Variants in ALDOC observed in about 807,000 individuals in gnomAD.
ALDOC encodes the protein fructose-bisphosphate aldolase C.
In ALDOC, 23 loss-of-function variants were observed where a neutral mutation model predicts 39.5. That is an observed-to-expected ratio of 0.58 (90% CI 0.42 to 0.82). The LOEUF (loss-of-function observed/expected upper bound fraction) is 0.82, where lower values mean the gene tolerates loss of function less well. ALDOC is among the 40% of genes least tolerant of loss of function. The probability of loss-of-function intolerance (pLI) is 0.00; values close to 1 mark genes in which losing one functional copy is unlikely to be tolerated. For missense variants in ALDOC, 356 were observed against 479.1 expected (o/e 0.74, Z 2.40); for synonymous variants, 160 against 182.6 (o/e 0.88, Z 1.00).
In ALDOC at chr17:28,575,470, C is replaced by A; in HGVS notation, c.63G>T (p.Leu21=). 1 of 1,614,244 alleles carries A rather than the reference C, an allele frequency of 6.2e-7. No homozygotes were observed. Among genetic ancestry groups the A allele is most frequent in the South Asian group, 1.1e-5 (1 of 91,084 alleles). The change falls in exon 2 of 9, where the codon CTG becomes CTT. Residue 21 remains leucine, a synonymous_variant. Transcript: ENST00000226253. This position sits in a 1 kb window ranked among gnomAD's most constrained non-coding sequence, Gnocchi z 4.3. ...EQKKELSDIA[L]RIVAPGKGIL... ...TGCCTTTGCCCGGGGCTACAATCCG[C>A]AGGGCAATGTCAGACAACTCCTTCT...
rs963510487 is a variant in ALDOC at position 28,573,998 on chromosome 17, C to G, written c.800-64G>C. ...CCAATTTTTCCAGGATAGGGAACCC[C>G]TGAAGGCCACAAGAAGGACCTGAAG... is the stretch of plus-strand genomic sequence containing the variant. On this transcript the variant is annotated intron_variant, in intron 7 of 8. Coordinates refer to ENST00000226253, the MANE Select transcript of ALDOC (RefSeq NM_005165.3). This position sits in a 1 kb window ranked among gnomAD's most constrained non-coding sequence, Gnocchi z 4.3. The G allele has an allele frequency of 1.7e-5, 28 of 1,608,564 alleles. No individual in the cohort carries two copies. Among genetic ancestry groups the G allele is most frequent in the Admixed American group, 6.7e-5 (4 of 59,684 alleles).
In ALDOC at chr17:28,573,539, T is replaced by C. The variant is rs2070451766; in HGVS notation, c.1082A>G (p.Asn361Ser). The C allele has an allele frequency of 1.2e-6, 2 of 1,614,168 alleles. No homozygotes were observed. Among genetic ancestry groups the C allele is most frequent in the Non-Finnish European group, 1.7e-6 (2 of 1,179,998 alleles). The change falls in exon 9 of 9, where the codon AAC becomes AGC. Residue 361 changes from asparagine (N) to serine (S), a missense_variant. Coordinates refer to ENST00000226253, the MANE Select transcript of ALDOC (RefSeq NM_005165.3). This position sits in a 1 kb window ranked among gnomAD's most constrained non-coding sequence, Gnocchi z 4.3. ...TGGAGTGGATACTCAGTAGGCATGGTTGGCAATGTAGAGTGACTGTGCTGC... is the reference window on the plus strand; with the variant it reads ...TGGAGTGGATACTCAGTAGGCATGGCTGGCAATGTAGAGTGACTGTGCTGC... ...GAAAQSLYIA[N>S]HAY is the part of the protein sequence containing the mutation.
Position 28,575,252 on chromosome 17 carries a change from A to G in ALDOC, c.195T>C (p.Ser65=). 1 of 1,614,144 alleles carries G rather than the reference A, an allele frequency of 6.2e-7. No homozygotes were observed. The highest frequency in any genetic ancestry group is 8.5e-7 in the Non-Finnish European group (1 of 1,180,028). Residue 65 remains serine, a synonymous_variant, in exon 3 of 9, where the codon AGT becomes AGC. Coordinates refer to ENST00000226253, the MANE Select transcript of ALDOC (RefSeq NM_005165.3). This position sits in a 1 kb window ranked among gnomAD's most constrained non-coding sequence, Gnocchi z 4.3. ...NRRLYRQVLF[S]ADDRVKKCIG... ...TGCACTTTTTCACACGGTCATCAGCACTGAACAGGACCTGGCGGTACAGCC... is the reference window on the plus strand; with the variant it reads ...TGCACTTTTTCACACGGTCATCAGCGCTGAACAGGACCTGGCGGTACAGCC...
In ALDOC at chr17:28,573,252, A is replaced by C; in HGVS notation, c.*274T>G. The C allele has an allele frequency of 5.7e-6, 3 of 529,622 alleles. No individual in the cohort carries two copies. The highest frequency in any genetic ancestry group is 3.3e-5 in the East Asian group (1 of 30,288). The allele number at this position is 529,622 out of a possible 1,614,324, so 32.8% of individuals were successfully genotyped here. Reference sequence around the variant, plus strand: ...AGGGAGAAGCTACCTCATCATGGGAAAATTGTGGGAGCTGGAAGAGGTAGG... The same window carrying C: ...AGGGAGAAGCTACCTCATCATGGGACAATTGTGGGAGCTGGAAGAGGTAGG... On this transcript the variant is annotated 3_prime_UTR_variant, in exon 9 of 9. Coordinates refer to ENST00000226253, the MANE Select transcript of ALDOC (RefSeq NM_005165.3). The surrounding 1 kb of genome is among the most constrained non-coding windows in gnomAD (Gnocchi z 4.3).
chr17:28,574,812 C>A lies in ALDOC; in HGVS notation c.424G>T (p.Gly142Cys), dbSNP rs747163718. The change falls in exon 5 of 9, where the codon GGT becomes TGT. Residue 142 changes from glycine to cysteine, a missense_variant. Gly to Cys is a radical substitution (Grantham distance 159). Coordinates refer to ENST00000226253, the MANE Select transcript of ALDOC (RefSeq NM_005165.3). ...SERCAQYKKD[G>C]ADFAKWRCVL... is the part of the protein sequence containing the mutation. Reference sequence around the variant, plus strand: ...CAGCGCCACTTGGCAAAGTCAGCACCATCCTTCTTGTATTGGGCACAGCGT... The same window carrying A: ...CAGCGCCACTTGGCAAAGTCAGCACAATCCTTCTTGTATTGGGCACAGCGT... 1.9e-6 allele frequency: 3 copies of A among 1,614,206 alleles called. No individual in the cohort carries two copies. The highest frequency in any genetic ancestry group is 2.5e-6 in the Non-Finnish European group (3 of 1,180,026).
Position 28,574,219 on chromosome 17 carries a change from G to A in ALDOC, c.647C>T (p.Ala216Val), listed in dbSNP as rs764777700. 2 of 1,598,504 alleles carry A rather than the reference G, an allele frequency of 1.3e-6. No homozygotes were observed. The highest frequency in any genetic ancestry group is 1.7e-6 in the Non-Finnish European group (2 of 1,172,664). ...TEKVLAAVYK[A>V]LSDHHVYLEG... ...CAGGTATACATGATGGTCACTCAGG[G>A]CCTTGTACACAGCAGCCAAGACCTG... Residue 216 changes from alanine (A) to valine (V), a missense_variant, in exon 7 of 9, where the codon GCC becomes GTC. Transcript: ENST00000226253.
chr17:28,574,905 T>G, intron 4 of ALDOC, 47 bp downstream of exon 4: 1 of 1,614,160 alleles, frequency 6.2e-7, no homozygotes, highest in Non-Finnish European at 8.5e-7. Flanking sequence ...TTTACCAGCA[T>G]CAACTATCTA....
Position 28,575,406 on chromosome 17 carries a change from C to T in ALDOC, c.112+15G>A. 6.2e-7 allele frequency: 1 copy of T among 1,614,244 alleles called. No homozygotes were observed. The highest frequency in any genetic ancestry group is 8.5e-7 in the Non-Finnish European group (1 of 1,180,048). ...TAGCCACCTGTACCCTACCTGGCTA[C>T]AGATGTCCACTTACCTACAGACTCA... On this transcript the variant is annotated intron_variant, in intron 2 of 8. Transcript: ENST00000226253. This position sits in a 1 kb window ranked among gnomAD's most constrained non-coding sequence, Gnocchi z 4.3.
chr17:28,573,466 G>A lies in ALDOC; in HGVS notation c.*60C>T, dbSNP rs2151516077. The A allele has an allele frequency of 2.0e-6, 3 of 1,528,686 alleles. No homozygotes were observed. Among genetic ancestry groups the A allele is most frequent in the Non-Finnish European group, 2.7e-6 (3 of 1,102,544 alleles). The allele number at this position is 1,528,686 out of a possible 1,614,324, so 94.7% of individuals were successfully genotyped here. A position where few individuals can be genotyped will look rare whatever the true frequency, so the allele number is the denominator to read the frequency against. ...TGCATAGCTATTTGGCCCTGGCCAT[G>A]ACTACAAGCAAAAGTGGGTGCAGAT... On this transcript the variant is annotated 3_prime_UTR_variant, in exon 9 of 9. Transcript: ENST00000226253. This position sits in a 1 kb window ranked among gnomAD's most constrained non-coding sequence, Gnocchi z 4.3.
Position 28,575,059 on chromosome 17 carries a change from A to AC in ALDOC, c.325-54dup. 1 of 1,613,904 alleles carries AC rather than the reference A, an allele frequency of 6.2e-7. No homozygotes were observed. Among genetic ancestry groups the AC allele is most frequent in the South Asian group, 1.1e-5 (1 of 91,056 alleles). On this transcript the variant is annotated intron_variant, in intron 3 of 8. Transcript: ENST00000226253. This position sits in a 1 kb window ranked among gnomAD's most constrained non-coding sequence, Gnocchi z 4.3. ...GAATCCAGGCAGGATTCTCCTTGCT[A>AC]CCCCTCCTACACAAGCTTATTTTCA...
rs937110325 is a variant in ALDOC, at chr17:28,576,874, G to T, written c.-86C>A. The T allele has an allele frequency of 1.5e-5, 15 of 985,526 alleles. No individual in the cohort carries two copies. In the African/African-American group the frequency reaches 2.6e-4, roughly 17 times the overall value. The allele number at this position is 985,526 out of a possible 1,614,324, so 61.0% of individuals were successfully genotyped here. A position where few individuals can be genotyped will look rare whatever the true frequency, so the allele number is the denominator to read the frequency against. On this transcript the variant is annotated 5_prime_UTR_variant, in exon 1 of 9. The change creates a new upstream start codon in the 5' untranslated region. Coordinates refer to ENST00000226253, the MANE Select transcript of ALDOC (RefSeq NM_005165.3). Reference sequence around the variant, plus strand: ...TGATCCGCAAACAGATGAGGCTGCAGCCCTGGCTCCCTCTGGTAAATGAGG... The same window carrying T: ...TGATCCGCAAACAGATGAGGCTGCATCCCTGGCTCCCTCTGGTAAATGAGG...
At position 28,573,600 on chromosome 17, in the gene ALDOC, C is replaced by T; in HGVS notation, c.1021G>A (p.Gly341Ser). The T allele has an allele frequency of 6.2e-7, 1 of 1,614,224 alleles. No individual in the cohort carries two copies. Residue 341 changes from glycine (G) to serine (S), a missense_variant, in exon 9 of 9, where the codon GGC (glycine) becomes AGC (serine). By Grantham distance (56) the Gly-to-Ser change is moderately conservative. Coordinates refer to ENST00000226253, the MANE Select transcript of ALDOC (RefSeq NM_005165.3). The surrounding 1 kb of genome is among the most constrained non-coding windows in gnomAD (Gnocchi z 4.3). ...RAEVNGLAAQ[G>S]KYEGSGEDGG... ...TCTTCTCCACTGCCTTCATACTTGC[C>T]CTGGGCTGCAAGCCCATTCACCTGC...
In ALDOC at chr17:28,575,729, A is replaced by C; in HGVS notation, c.-12-185T>G. 5 of 780,706 alleles carry C rather than the reference A, an allele frequency of 6.4e-6. No homozygotes were observed. The highest frequency in any genetic ancestry group is 6.0e-5 in the Admixed American group (2 of 33,092). 48.4% of individuals were successfully genotyped at this position (780,706 alleles called of 1,614,324 possible). On this transcript the variant is annotated intron_variant, in intron 1 of 8. Coordinates refer to ENST00000226253, the MANE Select transcript of ALDOC (RefSeq NM_005165.3). The surrounding 1 kb of genome is among the most constrained non-coding windows in gnomAD (Gnocchi z 4.3). ...TAGCAAGCTTAGGGCTCCAGTTCCC[A>C]CATCTCCTTTTGTCCCTGGTAGGCA... is the stretch of plus-strand genomic sequence containing the variant.
rs769734638 is a variant in ALDOC, at chr17:28,575,138, G to A, written c.309C>T (p.Ile103=). The stretch of plus-strand genomic sequence containing the variant: ...GGGGCTGCACCTTGATGCCCACGAC[G>A]ATGCCCTTATCCTGGATGGTTCGGA... The part of the protein sequence containing the change: ...PFVRTIQDKG[I]VVGIKVDKGV... Residue 103 remains isoleucine, a synonymous_variant, in exon 3 of 9, where the codon ATC becomes ATT. Transcript: ENST00000226253. This position sits in a 1 kb window ranked among gnomAD's most constrained non-coding sequence, Gnocchi z 4.3. 3.1e-6 allele frequency: 5 copies of A among 1,614,024 alleles called. No homozygotes were observed. The highest frequency in any genetic ancestry group is 1.3e-5 in the African/African-American group (1 of 74,902).
chr17:28,574,238 A>G lies in ALDOC; in HGVS notation c.628T>C (p.Leu210=). 1 of 1,585,040 alleles carries G rather than the reference A, an allele frequency of 6.3e-7. No homozygotes were observed. Among genetic ancestry groups the G allele is most frequent in the African/African-American group, 1.3e-5 (1 of 74,116 alleles). The change falls in exon 7 of 9, where the codon TTG becomes CTG. Residue 210 remains leucine (L), a synonymous_variant. Transcript: ENST00000226253. ...CTCAGGGCCTTGTACACAGCAGCCA[A>G]GACCTGGGTGGGGATTAGAGGAGGT... ...KRCQYVTEKV[L]AAVYKALSDH...
chr17:28,576,884 C>T lies in ALDOC; in HGVS notation c.-96G>A. On this transcript the variant is annotated 5_prime_UTR_variant, in exon 1 of 9. Coordinates refer to ENST00000226253, the MANE Select transcript of ALDOC (RefSeq NM_005165.3). ...ACAGATGAGGCTGCAGCCCTGGCTC[C>T]CTCTGGTAAATGAGGCTGCGGATGT... is the stretch of plus-strand genomic sequence containing the variant. 1.0e-6 allele frequency: 1 copy of T among 985,520 alleles called. No homozygotes were observed. The highest frequency in any genetic ancestry group is 1.2e-6 in the Non-Finnish European group (1 of 830,018). The allele number at this position is 985,520 out of a possible 1,614,324, so 61.0% of individuals were successfully genotyped here. A position where few individuals can be genotyped will look rare whatever the true frequency, so the allele number is the denominator to read the frequency against.
At position 28,576,874 on chromosome 17, in the gene ALDOC, G is replaced by A. The variant is rs937110325; in HGVS notation, c.-86C>T. ...TGATCCGCAAACAGATGAGGCTGCA[G>A]CCCTGGCTCCCTCTGGTAAATGAGG... On this transcript the variant is annotated 5_prime_UTR_variant, in exon 1 of 9. Transcript: ENST00000226253. 4.1e-6 allele frequency: 4 copies of A among 985,408 alleles called. No individual in the cohort carries two copies. Among genetic ancestry groups the A allele is most frequent in the Non-Finnish European group, 4.8e-6 (4 of 830,022 alleles). The allele number at this position is 985,408 out of a possible 1,614,324, so 61.0% of individuals were successfully genotyped here.
rs1347828021 is a variant in ALDOC at position 28,574,734 on chromosome 17, C to T, written c.502G>A (p.Ala168Thr). 3 of 1,614,064 alleles carry T rather than the reference C, an allele frequency of 1.9e-6. No individual in the cohort carries two copies. The highest frequency in any genetic ancestry group is 1.7e-6 in the Non-Finnish European group (2 of 1,180,044). The change falls in exon 5 of 9, where the codon GCC (alanine) becomes ACC (threonine). Residue 168 changes from alanine (A) to threonine (T), a missense_variant. By Grantham distance (58) the Ala-to-Thr change is moderately conservative (BLOSUM62 0). Transcript: ENST00000226253. Reference sequence around the variant, plus strand: ...CTGGCATAACGGGCCAGCACGTTGGCGTTCTCCAGAATGGCAAGTGCAGAG... The same window carrying T: ...CTGGCATAACGGGCCAGCACGTTGGTGTTCTCCAGAATGGCAAGTGCAGAG... ...TPSALAILEN[A>T]NVLARYASIC...
At chr17:28,576,034 T>C (rs1318240825) in intron 1 of ALDOC, 1 of 1,000,602 alleles carries the variant, frequency 1.0e-6, no homozygotes, top group Non-Finnish European at 1.2e-6. Context: ...GAGGAAAAGG[T>C]TGGAAGAACA....
Sources: gnomAD v4.1 joint callset for allele counts on GRCh38, gnomAD v4.1.1 for gene constraint, Gnocchi (gnomAD v3.1) non-coding constraint, MANE v1.5 for transcripts, NCBI Gene and HGNC (gene_info 2026-07-23, HGNC 2026-07-21) for gene names.